Variants in BACH2 observed in about 807,000 individuals in gnomAD.
The protein encoded by BACH2 is BACH transcriptional regulator 2.
BACH2 carries 5 observed loss-of-function variants against 61.8 expected under a neutral mutation model. That is an observed-to-expected ratio of 0.08 (90% CI 0.04 to 0.17). BACH2 has a LOEUF of 0.17. Ranked by LOEUF, BACH2 falls within the 10% of genes least tolerant of loss-of-function variation. The probability of loss-of-function intolerance (pLI) is 1.00; values close to 1 mark genes in which losing one functional copy is unlikely to be tolerated. For missense variants in BACH2, 824 were observed against 1,091.1 expected (o/e 0.76, Z 3.45); for synonymous variants, 446 against 440.1 (o/e 1.01, Z -0.17).
At chr6:90,269,672 G>A (rs1771457812) in intron 2 of BACH2, among the ~76,000 whole-genome samples, 1 of 152,068 alleles carries the variant, frequency 6.6e-6, no homozygotes, top group Non-Finnish European at 1.5e-5. Flanking sequence ...CATATCGGTT[G>A]GACTTTCCAT....
Position 89,951,103 on chromosome 6 carries a change from C to G in BACH2, c.1003G>C (p.Val335Leu). The G allele has an allele frequency of 6.2e-7, 1 of 1,612,328 alleles. No homozygotes were observed. Among genetic ancestry groups the G allele is most frequent in the Middle Eastern group, 1.7e-4 (1 of 6,048 alleles). The change falls in exon 7 of 9, where the codon GTG (valine) becomes CTG (leucine). Residue 335 changes from valine to leucine, a missense_variant. By Grantham distance (32) the Val-to-Leu change is conservative (BLOSUM62 1). Coordinates refer to ENST00000257749, the MANE Select transcript of BACH2 (RefSeq NM_021813.4). This position sits in a 1 kb window ranked among gnomAD's most constrained non-coding sequence, Gnocchi z 6.4. Reference protein sequence around the residue: ...GAACLERSRSVASPSCLRSLF... With the variant: ...GAACLERSRSLASPSCLRSLF... ...GACCTTAAGCAGGAGGGCGAGGCCACGCTCCTGGATCTCTCCAGGCAGGCG... is the reference window on the plus strand; with the variant it reads ...GACCTTAAGCAGGAGGGCGAGGCCAGGCTCCTGGATCTCTCCAGGCAGGCG...
intron 2 of BACH2, among the ~76,000 whole-genome samples, chr6:90,258,956 G>T (rs888732923): frequency 1.3e-5 from 2 of 151,764 alleles, no homozygotes; most frequent in Non-Finnish European, 2.9e-5. Flanking sequence ...CAGTTTTTTT[G>T]TGTGGAATCT....
At chr6:90,167,121 A>T (rs935691056) in intron 4 of BACH2, among the ~76,000 whole-genome samples, 1 of 152,140 alleles carries the variant, frequency 6.6e-6, no homozygotes, top group African/African-American at 2.4e-5. Context: ...TGACCCTCAC[A>T]GTATTCTGAA....
At chr6:90,277,933 A>G (rs188536318) in intron 1 of BACH2, among the ~76,000 whole-genome samples, 3 of 152,256 alleles carry the variant, frequency 2.0e-5, no homozygotes, top group African/African-American at 7.2e-5. Context: ...AGAAGCCTTT[A>G]AAGTTACATG....
intron 6 of BACH2, among the ~76,000 whole-genome samples, chr6:89,996,358 A>G (rs1776848872): frequency 6.6e-6 from 1 of 152,186 alleles, no homozygotes; most frequent in African/African-American, 2.4e-5. Flanking sequence ...TCCAACATGC[A>G]TTCCATTGCT....
chr6:90,262,649 T>C (rs1281941730), intron 2 of BACH2, among the ~76,000 whole-genome samples: 2 of 152,224 alleles, frequency 1.3e-5, no homozygotes, highest in Non-Finnish European at 2.9e-5. Flanking sequence ...AAAACCATGA[T>C]GACACCAATC....
chr6:89,966,276 T>C (rs1296425810), intron 6 of BACH2, among the ~76,000 whole-genome samples: 1 of 152,208 alleles, frequency 6.6e-6, no homozygotes, highest in Non-Finnish European at 1.5e-5. Flanking sequence ...AAATCATACA[T>C]GGAAACCAGA....
chr6:90,189,910 C>A (rs935404862), intron 4 of BACH2, among the ~76,000 whole-genome samples: 3 of 152,100 alleles, frequency 2.0e-5, no homozygotes, highest in Non-Finnish European at 4.4e-5. Context: ...TCTGAAGCCT[C>A]TGCTTCTTTG....
chr6:90,248,629 G>A (rs1333869965), intron 3 of BACH2, among the ~76,000 whole-genome samples: 2 of 152,160 alleles, frequency 1.3e-5, no homozygotes, highest in Non-Finnish European at 2.9e-5. Context: ...ATGAAAAGTG[G>A]GAGGTGGGGT....
intron 6 of BACH2, among the ~76,000 whole-genome samples, chr6:89,986,169 G>C (rs1377626883): frequency 6.6e-6 from 1 of 152,124 alleles, no homozygotes; most frequent in East Asian, 1.9e-4. Flanking sequence ...GGCCATGGAT[G>C]GGGGAGCTCT....
chr6:90,010,337 T>C (rs754612384), intron 5 of BACH2, among the ~76,000 whole-genome samples: 1 of 152,256 alleles, frequency 6.6e-6, no homozygotes, highest in Non-Finnish European at 1.5e-5. Flanking sequence ...GAGTTTCATA[T>C]AAATGGAATC....
intron 3 of BACH2, among the ~76,000 whole-genome samples, chr6:90,230,317 C>T (rs1395646561): frequency 6.6e-6 from 1 of 152,210 alleles, no homozygotes; most frequent in African/African-American, 2.4e-5. Flanking sequence ...TTTGGCATAA[C>T]ACCTGGTACA....
chr6:90,197,795 C>T (rs576555230), intron 4 of BACH2, among the ~76,000 whole-genome samples: 20 of 152,272 alleles, frequency 1.3e-4, no homozygotes, highest in Admixed American at 7.8e-4. Context: ...GGGCAGGGGA[C>T]GCAGAGAAGC....
chr6:90,023,515 C>A (rs992732580), intron 5 of BACH2, among the ~76,000 whole-genome samples: 2 of 152,196 alleles, frequency 1.3e-5, no homozygotes, highest in Admixed American at 6.5e-5. Flanking sequence ...GCTTCCTGTA[C>A]AGCCTGCAGA....
intron 5 of BACH2, among the ~76,000 whole-genome samples, chr6:90,009,193 T>A (rs143140783): frequency 6.6e-6 from 1 of 152,222 alleles, no homozygotes; most frequent in South Asian, 2.1e-4. Flanking sequence ...TCTGATTTTG[T>A]TAGTAGGCTG....
In BACH2 at chr6:90,109,260, C is replaced by T. The variant is rs145600390; in HGVS notation, c.-161-20151G>A. On this transcript the variant is annotated intron_variant, in intron 4 of 8. Coordinates refer to ENST00000257749, the MANE Select transcript of BACH2 (RefSeq NM_021813.4). ...TGCTCAACTCTCTATTCTCATCTTACAAGACTTCTCACCATCACTTGACTC... is the reference window on the plus strand; with the variant it reads ...TGCTCAACTCTCTATTCTCATCTTATAAGACTTCTCACCATCACTTGACTC... 4.6e-5 allele frequency among the ~76,000 whole-genome samples: 7 copies of T among 152,236 alleles called. No homozygotes were observed. In the East Asian group the frequency reaches 1.2e-3, roughly 25 times the overall value.
At chr6:89,998,071 TTTC>T (rs1435449085) in intron 6 of BACH2, among the ~76,000 whole-genome samples, 1 of 152,216 alleles carries the variant, frequency 6.6e-6, no homozygotes, top group African/African-American at 2.4e-5. Flanking sequence ...GAAATAGGTA[TTTC>T]TTCAACAAGC....
chr6:90,170,074 AC>A (rs1404729512), intron 4 of BACH2, among the ~76,000 whole-genome samples: 1 of 152,116 alleles, frequency 6.6e-6, no homozygotes, highest in Non-Finnish European at 1.5e-5. Context: ...ATTATAAAAC[AC>A]TTTTTTTTTC....
intron 6 of BACH2, among the ~76,000 whole-genome samples, chr6:89,957,576 T>C (rs1774493750): frequency 6.6e-6 from 1 of 152,172 alleles, no homozygotes; most frequent in Admixed American, 6.5e-5. Flanking sequence ...CTCATACTGG[T>C]TGTCCAGGCT....
Sources: gnomAD v4.1 joint callset for allele counts (sites outside exome capture counted in the v4.1 genomes callset) on GRCh38, gnomAD v4.1.1 for gene constraint, Gnocchi (gnomAD v3.1) non-coding constraint, MANE v1.5 for transcripts, NCBI Gene and HGNC (gene_info 2026-07-23, HGNC 2026-07-21) for gene names.